Variants in TTC28 observed in about 807,000 individuals in gnomAD.
TTC28 encodes the protein tetratricopeptide repeat protein 28.
Under a neutral mutation model 198.0 loss-of-function variants are expected in TTC28, and 61 were observed. The observed-to-expected ratio is 0.31, with a 90% CI of 0.25 to 0.38. The LOEUF (loss-of-function observed/expected upper bound fraction) is 0.38. TTC28 is among the 10% of genes least tolerant of loss of function. TTC28 has a pLI of 1.00. For synonymous variants in TTC28, 1,171 were observed against 1,297.8 expected (o/e 0.90, Z 2.10); for missense variants, 2,678 against 3,164.0 (o/e 0.85, Z 3.69).
At chr22:28,257,401 C>T (rs1375284869) in intron 5 of TTC28, among the ~76,000 whole-genome samples, 2 of 151,984 alleles carry the variant, frequency 1.3e-5, no homozygotes, top group Admixed American at 6.6e-5. Context: ...GGCATATATA[C>T]ACAATGGAAT....
chr22:28,350,022 T>C (rs1001286473), intron 2 of TTC28, among the ~76,000 whole-genome samples: 16 of 152,212 alleles, frequency 1.1e-4, no homozygotes, highest in African/African-American at 2.9e-4. Context: ...ATCTAGAAGG[T>C]TGAAAGAGTA....
In TTC28 at chr22:27,982,867, C is replaced by G; in HGVS notation, c.6800G>C (p.Ser2267Thr). 1.3e-6 allele frequency: 2 copies of G among 1,547,794 alleles called. No homozygotes were observed. Among genetic ancestry groups the G allele is most frequent in the Non-Finnish European group, 8.7e-7 (1 of 1,144,274 alleles). Residue 2267 changes from serine to threonine, a missense_variant, in exon 23 of 23, where the codon AGT (serine) becomes ACT (threonine). Ser to Thr is a moderately conservative substitution (Grantham distance 58). Coordinates refer to ENST00000397906, the MANE Select transcript of TTC28 (RefSeq NM_001145418.2). The surrounding 1 kb of genome is among the most constrained non-coding windows in gnomAD (Gnocchi z 5.2). ...MSIKDSPSQH[S>T]GRPSPGCDSQ... Reference sequence around the variant, plus strand: ...GTCGCAGCCGGGCGATGGCCGGCCACTGTGCTGGCTCGGGCTGTCTTTGAT... The same window carrying G: ...GTCGCAGCCGGGCGATGGCCGGCCAGTGTGCTGGCTCGGGCTGTCTTTGAT...
At chr22:28,067,504 GT>G (rs1230490733) in intron 12 of TTC28, among the ~76,000 whole-genome samples, 2 of 152,174 alleles carry the variant, frequency 1.3e-5, no homozygotes, top group Non-Finnish European at 2.9e-5. Flanking sequence ...AGCAAACTTG[GT>G]GCCCATCATA....
chr22:28,466,125 C>G (rs556802546), intron 2 of TTC28, among the ~76,000 whole-genome samples: 11 of 152,292 alleles, frequency 7.2e-5, no homozygotes, highest in African/African-American at 2.4e-4. Flanking sequence ...ATTGGGGGAA[C>G]AGCTAGCAAT....
In TTC28 at chr22:28,108,452, C is replaced by CA. The variant is rs1413618651; in HGVS notation, c.1442-50dup. The CA allele has an allele frequency of 4.4e-6, 6 of 1,364,534 alleles. No individual in the cohort carries two copies. In the South Asian group the frequency reaches 1.2e-4, roughly 28 times the overall value. 84.5% of individuals were successfully genotyped at this position (1,364,534 alleles called of 1,614,324 possible). The stretch of plus-strand genomic sequence containing the variant: ...GACTAAGACTGAAATAACTGATTTG[C>CA]AATGTAGAAAGAAATGTAATTTGCA... On this transcript the variant is annotated intron_variant, in intron 6 of 22. Transcript: ENST00000397906.
chr22:28,389,225 G>T (rs1485751897), intron 2 of TTC28, among the ~76,000 whole-genome samples: 1 of 152,168 alleles, frequency 6.6e-6, no homozygotes, highest in African/African-American at 2.4e-5. Flanking sequence ...TTTTTGATGT[G>T]CTGCTGGATT....
At chr22:28,532,587 T>C (rs1241920921) in intron 2 of TTC28, among the ~76,000 whole-genome samples, 1 of 152,146 alleles carries the variant, frequency 6.6e-6, no homozygotes, top group East Asian at 1.9e-4. Flanking sequence ...TACCAAAGCC[T>C]GGCAGAGACA....
intron 2 of TTC28, among the ~76,000 whole-genome samples, chr22:28,519,152 G>A (rs1436131076): frequency 1.3e-5 from 2 of 152,100 alleles, no homozygotes; most frequent in South Asian, 2.1e-4. Context: ...TATACTAAGC[G>A]GAAGGTAACA....
chr22:28,299,181 A>G (rs551589329), intron 3 of TTC28, among the ~76,000 whole-genome samples: 4 of 152,242 alleles, frequency 2.6e-5, no homozygotes, highest in Admixed American at 2.0e-4. Context: ...GCACTTAAAA[A>G]GCACTTATTA....
chr22:28,506,528 C>T (rs2048615867), intron 2 of TTC28, among the ~76,000 whole-genome samples: 1 of 152,114 alleles, frequency 6.6e-6, no homozygotes, highest in South Asian at 2.1e-4. Context: ...AAAGGTCCCC[C>T]GAATGCAGCA....
chr22:28,606,627 G>A (rs1601615806), intron 2 of TTC28, among the ~76,000 whole-genome samples: 1 of 152,208 alleles, frequency 6.6e-6, no homozygotes, highest in South Asian at 2.1e-4. Context: ...AAGTAACTTT[G>A]AGTTACTTTT....
chr22:28,283,857 C>A (rs1007140371), intron 5 of TTC28, among the ~76,000 whole-genome samples: 3 of 152,030 alleles, frequency 2.0e-5, no homozygotes, highest in African/African-American at 7.2e-5. Context: ...TTGGAAGTAT[C>A]CTTATTGAAT....
At chr22:28,364,389 A>C (rs1326847027) in intron 2 of TTC28, among the ~76,000 whole-genome samples, 2 of 152,146 alleles carry the variant, frequency 1.3e-5, no homozygotes, top group Admixed American at 6.5e-5. Flanking sequence ...GTCTTTTGTA[A>C]ATTGCCCAGT....
chr22:28,273,537 TA>T (rs544602195), intron 5 of TTC28, among the ~76,000 whole-genome samples: 7 of 148,412 alleles, frequency 4.7e-5, no homozygotes, highest in African/African-American at 7.4e-5. Context: ...TATAGGATAG[TA>T]AAAAAAAAAT....
intron 1 of TTC28, among the ~76,000 whole-genome samples, chr22:28,679,305 G>C (rs1452504273): frequency 6.6e-6 from 1 of 152,234 alleles, no homozygotes; most frequent in Non-Finnish European, 1.5e-5. Context: ...CGCCCCACGG[G>C]GGCTGGGGGA....
chr22:28,183,003 T>C (rs1923851282), intron 5 of TTC28, among the ~76,000 whole-genome samples: 1 of 152,114 alleles, frequency 6.6e-6, no homozygotes, highest in African/African-American at 2.4e-5. Flanking sequence ...TGTAGGACTC[T>C]TCAGAGCAGA....
At chr22:28,090,110 A>T (rs1399452905) in intron 12 of TTC28, among the ~76,000 whole-genome samples, 1 of 152,030 alleles carries the variant, frequency 6.6e-6, no homozygotes, top group Non-Finnish European at 1.5e-5. Flanking sequence ...AAGTTAAAGT[A>T]TAATAATAAT....
At chr22:28,659,439 T>C (rs191836840) in intron 1 of TTC28, among the ~76,000 whole-genome samples, 1 of 152,014 alleles carries the variant, frequency 6.6e-6, no homozygotes, top group African/African-American at 2.4e-5. Context: ...CAGCTAATTT[T>C]TGTGTTTTTA....
At chr22:28,521,144 A>C (rs1468086179) in intron 2 of TTC28, among the ~76,000 whole-genome samples, 2 of 152,166 alleles carry the variant, frequency 1.3e-5, no homozygotes, top group African/African-American at 4.8e-5. Context: ...TCATGCCTAT[A>C]ATCCAGGGAT....
Sources: allele counts gnomAD v4.1 joint callset (sites outside exome capture counted in the v4.1 genomes callset), GRCh38; gene constraint gnomAD v4.1.1; non-coding constraint Gnocchi (gnomAD v3.1); transcripts MANE v1.5; gene names NCBI Gene and HGNC (gene_info 2026-07-23, HGNC 2026-07-21).